Variants in SLC5A5 observed in about 807,000 individuals in gnomAD.
SLC5A5 encodes the protein sodium/iodide cotransporter.
SLC5A5 carries 56 observed loss-of-function variants against 68.6 expected under a neutral mutation model. The observed-to-expected ratio is 0.82, with a 90% confidence interval of 0.66 to 1.02. The LOEUF is 1.02. Ranked by LOEUF, SLC5A5 falls within the 50% of genes least tolerant of loss-of-function variation. SLC5A5 has a pLI of 0.00. For synonymous variants in SLC5A5, 398 were observed against 373.0 expected, an observed-to-expected ratio of 1.07 and a Z score of -0.77; for missense variants, 807 against 859.8, an observed-to-expected ratio of 0.94 and a Z score of 0.77.
chr19:17,874,634 G>T, intron 3 of SLC5A5, 30 bp from the exon 4 acceptor site: 3 of 1,613,728 alleles, frequency 1.9e-6, no homozygotes, highest in Non-Finnish European at 2.5e-6. Flanking sequence ...CCCGCCCAGG[G>T]GCCTAACAGG....
intron 8 of SLC5A5, among the ~76,000 whole-genome samples, chr19:17,881,276 T>G (rs561367205): frequency 1.3e-4 from 20 of 151,278 alleles, no homozygotes; most frequent in Admixed American, 1.2e-3. Context: ...TTTTTTTTTG[T>G]TTTTTTTCCG....
At position 17,874,650 on chromosome 19, in the gene SLC5A5, C is replaced by T. The variant is rs1216234305; in HGVS notation, c.476-14C>T. The T allele has an allele frequency of 2.5e-6, 4 of 1,614,162 alleles. No individual in the cohort carries two copies. Among genetic ancestry groups the T allele is most frequent in the Non-Finnish European group, 3.4e-6 (4 of 1,180,018 alleles). ...CCGCCCAGGGGCCTAACAGGGGGAC[C>T]TCTTTTTGCATAGTGACCGGGCTGG... On this transcript the variant is annotated splice_polypyrimidine_tract_variant and intron_variant, in intron 3 of 14. Transcript: ENST00000222248.
In SLC5A5 at chr19:17,880,830, A is replaced by C. The variant is rs548990494; in HGVS notation, c.970-35A>C. On this transcript the variant is annotated intron_variant, in intron 7 of 14. Transcript: ENST00000222248. ...ATAGATGCCCCGGTCCTCGGGGTGC[A>C]GCTGTCTGGGAGGCTGACCCCCAGT... is the stretch of plus-strand genomic sequence containing the variant. 1.9e-5 allele frequency: 29 copies of C among 1,514,384 alleles called. No homozygotes were observed. The Admixed American group carries it at 4.2e-4, about 22-fold the overall frequency. 93.8% of individuals were successfully genotyped at this position (1,514,384 alleles called of 1,614,324 possible).
rs769058888 is a variant in SLC5A5, at chr19:17,872,532, G to A, written c.213G>A (p.Val71=). The A allele has an allele frequency of 1.8e-5, 29 of 1,612,636 alleles. No individual in the cohort carries two copies. Among genetic ancestry groups the A allele is most frequent in the Non-Finnish European group, 2.1e-5 (25 of 1,179,932 alleles). Residue 71 remains valine (V), a synonymous_variant, in exon 1 of 15, where the codon GTG becomes GTA. Transcript: ENST00000222248. ...TGTCTGCCAGCTTCATGTCGGCCGT[G>A]CAGGTGCTGGGCGTGCCGTCGGAGG... ...LSLSASFMSA[V]QVLGVPSEAY... is the part of the protein sequence containing the mutation.
intron 1 of SLC5A5, among the ~76,000 whole-genome samples, chr19:17,873,547 G>A (rs1171466801): frequency 1.3e-5 from 2 of 152,012 alleles, no homozygotes; most frequent in African/African-American, 4.8e-5. Flanking sequence ...CACGAGGTCA[G>A]GAGTTCAAGA....
chr19:17,884,172 G>A (rs2094328208), intron 12 of SLC5A5, 126 bp downstream of exon 12: 10 of 901,908 alleles, frequency 1.1e-5, no homozygotes, highest in Admixed American at 4.1e-5. Context: ...GGGAGGGAAC[G>A]GTAGGTGCAA....
Position 17,894,011 on chromosome 19 carries a change from C to T in SLC5A5, c.*134C>T, listed in dbSNP as rs2030309164. 3.4e-6 allele frequency: 3 copies of T among 881,766 alleles called. No homozygotes were observed. Among genetic ancestry groups the T allele is most frequent in the Admixed American group, 4.3e-5 (2 of 46,542 alleles). 54.6% of individuals were successfully genotyped at this position (881,766 alleles called of 1,614,324 possible). ...TGCAAATGAGTTCAGGACTACAATA[C>T]CCTACCCTATGGGGAGGCCCTGCCT... On this transcript the variant is annotated 3_prime_UTR_variant, in exon 15 of 15. Coordinates refer to ENST00000222248, the MANE Select transcript of SLC5A5 (RefSeq NM_000453.3).
chr19:17,874,070 C>T, intron 1 of SLC5A5, 68 bp from the exon 2 acceptor site: 1 of 1,141,758 alleles, frequency 8.8e-7, no homozygotes, highest in Non-Finnish European at 1.3e-6. Flanking sequence ...AGAGAGCAGA[C>T]CAGGGACCCG....
intron 4 of SLC5A5, 24 bp downstream of exon 4, chr19:17,874,755 C>G: frequency 6.2e-7 from 1 of 1,609,576 alleles, no homozygotes; most frequent in East Asian, 2.2e-5. Context: ...GGAACTCACT[C>G]CATACGGGGG....
At position 17,882,162 on chromosome 19, in the gene SLC5A5, A is replaced by C. The variant is rs1179657396; in HGVS notation, c.1185A>C (p.Gly395=). ...IISKGLSLIY[G]SACLTVAALS... ...CATCCACTACAGCACTCATCTACGG[A>C]TCGGCCTGTCTCACCGTGGCAGCCC... Residue 395 remains glycine (G), a synonymous_variant, in exon 10 of 15, where the codon GGA becomes GGC. Transcript: ENST00000222248. The C allele has an allele frequency of 1.9e-6, 3 of 1,614,080 alleles. No homozygotes were observed. The highest frequency in any genetic ancestry group is 2.5e-6 in the Non-Finnish European group (3 of 1,180,006).
chr19:17,872,488 C>T lies in SLC5A5; in HGVS notation c.169C>T (p.Leu57=). The change falls in exon 1 of 15, where the codon CTG becomes TTG. Residue 57 remains leucine (L), a synonymous_variant. Transcript: ENST00000222248. The stretch of plus-strand genomic sequence containing the variant: ...CACCGGGGGCCGGCGCCTGGCGGCC[C>T]TGCCCGTGGGCCTGTCGCTGTCTGC... The part of the protein sequence containing the change: ...FFTGGRRLAA[L]PVGLSLSASF... 1.2e-6 allele frequency: 2 copies of T among 1,612,164 alleles called. No individual in the cohort carries two copies. The highest frequency in any genetic ancestry group is 1.7e-6 in the Non-Finnish European group (2 of 1,179,630).
intron 13 of SLC5A5, among the ~76,000 whole-genome samples, chr19:17,890,150 A>G (rs2030108679): frequency 6.6e-6 from 1 of 152,074 alleles, no homozygotes; most frequent in East Asian, 1.9e-4. Flanking sequence ...GGCTCACTGC[A>G]ACCTCTGACT....
intron 14 of SLC5A5, among the ~76,000 whole-genome samples, chr19:17,892,798 C>G (rs893676269): frequency 6.6e-6 from 1 of 151,496 alleles, no homozygotes; most frequent in African/African-American, 2.4e-5. Flanking sequence ...CCAGGGAAGT[C>G]AGGGGTGGCC....
chr19:17,893,711 A>G lies in SLC5A5; in HGVS notation c.1768-2A>G. The stretch of plus-strand genomic sequence containing the variant: ...GGGTCTCTTTTTCCCACTTTTCCCC[A>G]GGGTCCTGAAGAACTCCCCACTGGA... On this transcript the variant is annotated splice_acceptor_variant, in intron 14 of 14. Coordinates refer to ENST00000222248, the MANE Select transcript of SLC5A5 (RefSeq NM_000453.3). LOFTEE classifies it high-confidence loss of function. 1 of 1,613,614 alleles carries G rather than the reference A, an allele frequency of 6.2e-7. No homozygotes were observed. The highest frequency in any genetic ancestry group is 8.5e-7 in the Non-Finnish European group (1 of 1,179,856).
intron 9 of SLC5A5, 31 bp from the exon 10 acceptor site, chr19:17,882,118 C>G (rs1281771891): frequency 1.9e-6 from 3 of 1,613,016 alleles, no homozygotes; most frequent in Non-Finnish European, 2.5e-6. Flanking sequence ...CAGTCCCTCC[C>G]CGTTGACCGT....
chr19:17,878,233 C>A (rs766142652), intron 7 of SLC5A5, 140 bp downstream of exon 7: 3 of 1,036,076 alleles, frequency 2.9e-6, no homozygotes, highest in Admixed American at 2.0e-5. Flanking sequence ...AGGCCAGGTG[C>A]GGCGGCTCAT....
chr19:17,888,531 G>A (rs2030017655), intron 13 of SLC5A5, 76 bp downstream of exon 13: 5 of 1,544,484 alleles, frequency 3.2e-6, no homozygotes, highest in Admixed American at 1.7e-5. Context: ...CAGCAGGGAG[G>A]GGAGAAAGGA....
chr19:17,877,194 G>A (rs1178344961), intron 5 of SLC5A5, among the ~76,000 whole-genome samples: 3 of 146,624 alleles, frequency 2.0e-5, no homozygotes, highest in African/African-American at 8.3e-5. Flanking sequence ...GGCAAAGAAA[G>A]GTTTTTAAGT....
chr19:17,883,200 C>T (rs1267509912), intron 10 of SLC5A5, among the ~76,000 whole-genome samples: 2 of 151,982 alleles, frequency 1.3e-5, no homozygotes, highest in Admixed American at 1.3e-4. Flanking sequence ...CCTCAAGCAA[C>T]CACCCGCCTC....
Sources: gnomAD v4.1 joint callset for allele counts (sites outside exome capture counted in the v4.1 genomes callset) on GRCh38, gnomAD v4.1.1 for gene constraint, MANE v1.5 for transcripts, NCBI Gene and HGNC (gene_info 2026-07-23, HGNC 2026-07-21) for gene names.